The following CDH18 variants were observed in gnomAD, a reference collection of about 807,000 sequenced individuals.
The protein encoded by CDH18 is cadherin-18.
Under a neutral mutation model 67.9 loss-of-function variants are expected in CDH18, and 31 were observed. That is an observed-to-expected ratio of 0.46 (90% confidence interval 0.34 to 0.62). CDH18 has a LOEUF of 0.62. CDH18 is among the 20% of genes least tolerant of loss of function. CDH18 has a pLI of 0.01. For synonymous variants in CDH18, 362 were observed against 347.2 expected, an observed-to-expected ratio of 1.04 and a Z score of -0.48; for missense variants, 890 against 975.5, an observed-to-expected ratio of 0.91 and a Z score of 1.17.
At chr5:19,503,393 G>A (rs1277951338) in intron 10 of CDH18, among the ~76,000 whole-genome samples, 2 of 151,982 alleles carry the variant, frequency 1.3e-5, no homozygotes, top group Non-Finnish European at 2.9e-5. Context: ...GTACTGTGGG[G>A]TCAATTAGAT....
At chr5:19,542,772 AT>A (rs1330278088) in intron 9 of CDH18, among the ~76,000 whole-genome samples, 1 of 151,660 alleles carries the variant, frequency 6.6e-6, no homozygotes, top group African/African-American at 2.4e-5. Flanking sequence ...AGTGTGGGGG[AT>A]TATGACTAAG....
At chr5:19,561,432 C>G (rs1739431314) in intron 8 of CDH18, among the ~76,000 whole-genome samples, 1 of 152,086 alleles carries the variant, frequency 6.6e-6, no homozygotes, top group Non-Finnish European at 1.5e-5. Context: ...ATTGTATTTT[C>G]TCACTCATAA....
At chr5:20,392,537 T>C (rs1744949745) in intron 1 of CDH18, among the ~76,000 whole-genome samples, 1 of 151,898 alleles carries the variant, frequency 6.6e-6, no homozygotes. Context: ...AGTGCATAAA[T>C]GAAGAGACAG....
chr5:19,661,968 A>G (rs1757242049), intron 5 of CDH18, among the ~76,000 whole-genome samples: 1 of 152,094 alleles, frequency 6.6e-6, no homozygotes, highest in African/African-American at 2.4e-5. Flanking sequence ...ACTTCACCTC[A>G]GGAGAACAAA....
intron 1 of CDH18, among the ~76,000 whole-genome samples, chr5:20,537,702 T>C (rs1756808223): frequency 6.6e-6 from 1 of 152,036 alleles, no homozygotes; most frequent in African/African-American, 2.4e-5. Flanking sequence ...ACAAAGATCA[T>C]CTGGCAAAAT....
chr5:20,432,548 A>G (rs1748828745), intron 1 of CDH18, among the ~76,000 whole-genome samples: 1 of 152,114 alleles, frequency 6.6e-6, no homozygotes, highest in Non-Finnish European at 1.5e-5. Context: ...GTAAGAAATT[A>G]CTTCCAAAAG....
At chr5:20,442,559 A>C (rs576134113) in intron 1 of CDH18, among the ~76,000 whole-genome samples, 1 of 151,980 alleles carries the variant, frequency 6.6e-6, no homozygotes, top group Admixed American at 6.5e-5. Flanking sequence ...TAGAAAGGCA[A>C]GTTATGTCAT....
At chr5:19,585,629 T>C (rs1260894470) in intron 7 of CDH18, among the ~76,000 whole-genome samples, 1 of 152,188 alleles carries the variant, frequency 6.6e-6, no homozygotes, top group Non-Finnish European at 1.5e-5. Flanking sequence ...GTATCCTTGA[T>C]GTCTTGTCTG....
intron 4 of CDH18, among the ~76,000 whole-genome samples, chr5:19,724,099 A>T (rs1232640588): frequency 6.6e-6 from 1 of 152,194 alleles, no homozygotes. Flanking sequence ...ATAGCCCCAC[A>T]CTGGAAACCA....
chr5:20,117,422 T>C (rs573788437), intron 2 of CDH18, among the ~76,000 whole-genome samples: 3 of 152,312 alleles, frequency 2.0e-5, no homozygotes, highest in East Asian at 3.9e-4. Context: ...TTCTTCTTAA[T>C]GAGGTTTTAT....
chr5:19,719,273 G>A (rs1056346551), intron 5 of CDH18, among the ~76,000 whole-genome samples: 2 of 151,832 alleles, frequency 1.3e-5, no homozygotes, highest in African/African-American at 4.8e-5. Context: ...CATCGTTAAT[G>A]GACTAATGTC....
chr5:19,653,021 T>G (rs1295516879), intron 5 of CDH18, among the ~76,000 whole-genome samples: 1 of 152,134 alleles, frequency 6.6e-6, no homozygotes, highest in Non-Finnish European at 1.5e-5. Flanking sequence ...ACCCCTTGAT[T>G]TATTTGCATA....
intron 5 of CDH18, among the ~76,000 whole-genome samples, chr5:19,679,176 A>C (rs1759907891): frequency 1.3e-5 from 2 of 152,080 alleles, no homozygotes; most frequent in Non-Finnish European, 2.9e-5. Context: ...GTGATTCATC[A>C]CATAAACAGA....
chr5:20,222,867 T>G (rs1057267165), intron 2 of CDH18, among the ~76,000 whole-genome samples: 3 of 152,068 alleles, frequency 2.0e-5, no homozygotes, highest in African/African-American at 7.2e-5. Context: ...GTTTACATTT[T>G]TAAAAATATT....
intron 2 of CDH18, among the ~76,000 whole-genome samples, chr5:19,878,721 T>C (rs1319906120): frequency 6.6e-6 from 1 of 152,036 alleles, no homozygotes. Flanking sequence ...TAACTACAAC[T>C]ACATAATTTG....
rs535404530 is a variant in CDH18, at chr5:19,472,960, A to C, written c.*266T>G. ...TGGCTTAATTCAGGTATTCTTAATA[A>C]ACAGTACCACAGACTTTATTGAGCA... On this transcript the variant is annotated 3_prime_UTR_variant, in exon 13 of 13. Transcript: ENST00000382275. The C allele has an allele frequency of 1.2e-5, 4 of 345,274 alleles. No individual in the cohort carries two copies. Among genetic ancestry groups the C allele is most frequent in the African/African-American group, 2.1e-5 (1 of 48,068 alleles). The allele number at this position is 345,274 out of a possible 1,614,324, so 21.4% of individuals were successfully genotyped here.
intron 2 of CDH18, among the ~76,000 whole-genome samples, chr5:20,163,614 T>G (rs528928309): frequency 6.6e-6 from 1 of 152,334 alleles, no homozygotes; most frequent in Non-Finnish European, 1.5e-5. Flanking sequence ...GTTTCTTATC[T>G]TTCATGATCT....
intron 2 of CDH18, among the ~76,000 whole-genome samples, chr5:19,890,718 C>T (rs1265080633): frequency 6.6e-6 from 1 of 151,948 alleles, no homozygotes; most frequent in Admixed American, 6.6e-5. Flanking sequence ...CCTCAGCCTC[C>T]TGAGTAGTTG....
chr5:20,493,393 A>AAT (rs1561061223), intron 1 of CDH18, among the ~76,000 whole-genome samples: 1 of 118,094 alleles, frequency 8.5e-6, no homozygotes, highest in Admixed American at 1.1e-4. Context: ...AAAGCAAAGA[A>AAT]TTTTTTGTTT....
Sources: gnomAD v4.1 joint callset for allele counts (sites outside exome capture counted in the v4.1 genomes callset) on GRCh38, gnomAD v4.1.1 for gene constraint, MANE v1.5 for transcripts, NCBI Gene and HGNC (gene_info 2026-07-23, HGNC 2026-07-21) for gene names.